The following MROH2B variants were observed in gnomAD, a reference collection of about 807,000 sequenced individuals.
The protein encoded by MROH2B is maestro heat like repeat family member 2B, also known as maestro heat-like repeat-containing protein family member 2B.
Under a neutral mutation model 208.6 loss-of-function variants are expected in MROH2B, and 177 were observed. That is an observed-to-expected ratio of 0.85 (90% CI 0.75 to 0.96). The LOEUF (loss-of-function observed/expected upper bound fraction) is 0.96. Ranked by LOEUF, MROH2B falls within the 40% of genes least tolerant of loss-of-function variation. MROH2B has a pLI of 0.00. For missense variants in MROH2B, 2,002 were observed against 1,878.7 expected, an observed-to-expected ratio of 1.07 and a Z score of -1.21; for synonymous variants, 728 against 659.0, an observed-to-expected ratio of 1.10 and a Z score of -1.60.
intron 28 of MROH2B, among the ~76,000 whole-genome samples, chr5:41,017,249 G>A (rs1741986006): frequency 1.3e-5 from 2 of 152,118 alleles, no homozygotes; most frequent in African/African-American, 2.4e-5. Flanking sequence ...AGCCTGAGAC[G>A]GAGGTTTAAA....
In MROH2B at chr5:41,051,036, G is replaced by A. The variant is rs757174086; in HGVS notation, c.1285C>T (p.Arg429Ter). Residue 429 changes from arginine to a stop codon, truncating the protein, a stop_gained, in exon 13 of 42, where the codon CGA becomes TGA. Transcript: ENST00000399564. LOFTEE classifies it high-confidence loss of function. ...TTTAAGACCTCAAGGCTTGTTTCTC[G>A]GACAGATTCCTCTTCCTTTTCATTC... The part of the protein sequence containing the change: ...HENEKEEESV[R>*]ETSLEVLKTL... 8.3e-6 allele frequency: 13 copies of A among 1,563,130 alleles called. No individual in the cohort carries two copies. The highest frequency in any genetic ancestry group is 2.8e-5 in the African/African-American group (2 of 71,180).
chr5:41,000,749 CA>C lies in MROH2B; in HGVS notation c.4278del (p.Phe1426LeufsTer5), dbSNP rs548836249. ...ATCAGGCTCTTTTTTATTTCTTCAG[CA>C]AAAAAAATCTTCCACCTTCTTCCTG... ...PLTGRRWKIFFAEEIKKSLIS... is the reference protein window; with the variant it reads ...PLTGRRWKIFXAEEIKKSLIS... On this transcript the variant is annotated frameshift_variant, in exon 38 of 42. Coordinates refer to ENST00000399564, the MANE Select transcript of MROH2B (RefSeq NM_173489.5). LOFTEE classifies it high-confidence loss of function. The C allele has an allele frequency of 3.3e-5, 53 of 1,610,014 alleles. No individual in the cohort carries two copies. Among genetic ancestry groups the C allele is most frequent in the Non-Finnish European group, 4.2e-5 (50 of 1,178,472 alleles).
At position 41,023,721 on chromosome 5, in the gene MROH2B, C is replaced by A. The variant is rs149709498; in HGVS notation, c.2442-4703G>T. Among the ~76,000 whole-genome samples the A allele has an allele frequency of 5.2e-3, 796 of 152,146 alleles. 11 individuals carry two copies. Among genetic ancestry groups the A allele is most frequent in the African/African-American group, 0.018 (736 of 41,508 alleles). The stretch of plus-strand genomic sequence containing the variant: ...CTCTTTGAGAAGAGCAACTCCAAGA[C>A]ACATAATTGTCAGATACATCAAAGT... On this transcript the variant is annotated intron_variant, in intron 24 of 41. Coordinates refer to ENST00000399564, the MANE Select transcript of MROH2B (RefSeq NM_173489.5).
chr5:41,069,858 TC>T lies in MROH2B; in HGVS notation c.29-107del. The T allele has an allele frequency of 5.0e-6, 4 of 804,636 alleles. 1 individual carries two copies. In the South Asian group the frequency reaches 6.4e-5, roughly 13 times the overall value. The allele number at this position is 804,636 out of a possible 1,614,324, so 49.8% of individuals were successfully genotyped here. On this transcript the variant is annotated intron_variant, in intron 1 of 41. Transcript: ENST00000399564. ...TTCATTCATTCATTTATCCTCTCTC[TC>T]TCTCTCTCCCTTGACTGCTAGCTCT...
chr5:41,050,836 G>GCGCCT, intron 13 of MROH2B, 141 bp downstream of exon 13: 2 of 599,550 alleles, frequency 3.3e-6, no homozygotes, highest in Non-Finnish European at 5.8e-6. Context: ...GTTGGACACA[G>GCGCCT]CGTTGCAATA....
intron 6 of MROH2B, among the ~76,000 whole-genome samples, chr5:41,060,554 G>C (rs1273982399): frequency 6.6e-6 from 1 of 152,106 alleles, no homozygotes; most frequent in Non-Finnish European, 1.5e-5. Flanking sequence ...TGCCTCAGTA[G>C]GTTTTAGTCC....
intron 21 of MROH2B, among the ~76,000 whole-genome samples, chr5:41,036,710 G>A (rs1204643851): frequency 6.6e-6 from 1 of 151,994 alleles, no homozygotes; most frequent in African/African-American, 2.4e-5. Context: ...AAACCTAACT[G>A]TTGAGTACCT....
intron 41 of MROH2B, 131 bp downstream of exon 41, chr5:40,998,481 G>T (rs1741280437): frequency 1.4e-6 from 1 of 734,270 alleles, no homozygotes; most frequent in Non-Finnish European, 2.3e-6. Flanking sequence ...CTAGTGTCTA[G>T]AGAGCATCAG....
chr5:41,049,597 A>T (rs547966329), intron 13 of MROH2B, among the ~76,000 whole-genome samples, 161 bp from the exon 14 acceptor site: 3 of 152,222 alleles, frequency 2.0e-5, no homozygotes, highest in Non-Finnish European at 4.4e-5. Context: ...GCCTCTGCAC[A>T]GCACATTGAT....
At chr5:41,023,423 A>T (rs1742231604) in intron 24 of MROH2B, among the ~76,000 whole-genome samples, 3 of 152,244 alleles carry the variant, frequency 2.0e-5, no homozygotes, top group Admixed American at 2.0e-4. Flanking sequence ...GATTCGATCA[A>T]CTGGAAGAAA....
In MROH2B at chr5:41,033,829, C is replaced by CTATCTTATT. The variant is rs70988830; in HGVS notation, c.2241+8_2241+9insAATAAGATA. On this transcript the variant is annotated intron_variant, in intron 22 of 41. Coordinates refer to ENST00000399564, the MANE Select transcript of MROH2B (RefSeq NM_173489.5). ...TCTATCTATCTATCTATCTATCTAT[C>CTATCTTATT]TCTCCTACCTTGTTCATCACAGACA... The CTATCTTATT allele has an allele frequency of 2.6e-3, 3,495 of 1,324,924 alleles. 54 individuals carry two copies. The highest frequency in any genetic ancestry group is 0.011 in the Admixed American group (504 of 47,462). The allele number at this position is 1,324,924 out of a possible 1,614,324, so 82.1% of individuals were successfully genotyped here.
rs760652431 is a variant in MROH2B, at chr5:41,052,513, T to A, written c.1182A>T (p.Pro394=). The change falls in exon 12 of 42, where the codon CCA becomes CCT. Residue 394 remains proline (P), a synonymous_variant. Coordinates refer to ENST00000399564, the MANE Select transcript of MROH2B (RefSeq NM_173489.5). ...KSYIEAREGW[P]LIDYVFSQFA... ...ACTGGGAGAAGACATAATCAATCAA[T>A]GGCCATCCTTCCCGAGCTTCAATAT... The A allele has an allele frequency of 6.2e-7, 1 of 1,612,794 alleles. No homozygotes were observed. Among genetic ancestry groups the A allele is most frequent in the Non-Finnish European group, 8.5e-7 (1 of 1,179,274 alleles).
In MROH2B at chr5:41,000,830, G is replaced by T; in HGVS notation, c.4198C>A (p.Gln1400Lys). Residue 1400 changes from glutamine to lysine, a missense_variant, in exon 38 of 42, where the codon CAG (glutamine) becomes AAG (lysine). Physicochemically the swap from Gln to Lys is moderately conservative, Grantham distance 53. Coordinates refer to ENST00000399564, the MANE Select transcript of MROH2B (RefSeq NM_173489.5). ...ATGGCAGTCAATCTCACATCATCCTGCTCCTGTGGTGACGAATGCATGTCG... is the reference window on the plus strand; with the variant it reads ...ATGGCAGTCAATCTCACATCATCCTTCTCCTGTGGTGACGAATGCATGTCG... ...LQTRTFFEDE[Q>K]DDVRLTAIFL... The T allele has an allele frequency of 1.2e-6, 2 of 1,609,426 alleles. No homozygotes were observed. Among genetic ancestry groups the T allele is most frequent in the Non-Finnish European group, 1.7e-6 (2 of 1,178,118 alleles).
chr5:40,998,541 T>C, intron 41 of MROH2B, 71 bp downstream of exon 41: 1 of 1,301,538 alleles, frequency 7.7e-7, no homozygotes, highest in Admixed American at 2.0e-5. Context: ...ACGTGGAACT[T>C]AGAACAGCAA....
rs112940554 is a variant in MROH2B at position 41,003,253 on chromosome 5, G to A, written c.4194+1093C>T. Among the ~76,000 whole-genome samples, 454 of 152,192 alleles carry A rather than the reference G, an allele frequency of 3.0e-3. 1 individual carries two copies. The highest frequency in any genetic ancestry group is 0.011 in the African/African-American group (440 of 41,548). On this transcript the variant is annotated intron_variant, in intron 37 of 41. Transcript: ENST00000399564. ...TGGGATTACAGGCGTGAGCCACCAT[G>A]CCTGGCCTAAAAGTGATATTGGTTA...
chr5:41,054,695 C>T, intron 11 of MROH2B, 72 bp downstream of exon 11: 1 of 1,200,426 alleles, frequency 8.3e-7, no homozygotes, highest in Non-Finnish European at 1.2e-6. Flanking sequence ...ATAAGTAGAT[C>T]CTTAAAGAAT....
intron 9 of MROH2B, 135 bp downstream of exon 9, chr5:41,056,974 T>C: frequency 1.1e-6 from 1 of 912,338 alleles, no homozygotes; most frequent in Admixed American, 2.2e-5. Flanking sequence ...CACAGAAAAC[T>C]GTGAGCTAAA....
At chr5:41,022,793 C>G in intron 24 of MROH2B, among the ~76,000 whole-genome samples, 1 of 152,202 alleles carries the variant, frequency 6.6e-6, no homozygotes, top group Non-Finnish European at 1.5e-5. Context: ...AAGCACCCCC[C>G]AGTGGTGGCA....
intron 24 of MROH2B, among the ~76,000 whole-genome samples, chr5:41,026,927 TGAAATGGG>T (rs1301478762): frequency 6.6e-6 from 1 of 152,080 alleles, no homozygotes; most frequent in African/African-American, 2.4e-5. Flanking sequence ...GACGAAAACA[TGAAATGGG>T]GAAAGGATTC....
Sources: allele counts gnomAD v4.1 joint callset (sites outside exome capture counted in the v4.1 genomes callset), GRCh38; gene constraint gnomAD v4.1.1; transcripts MANE v1.5; gene names NCBI Gene and HGNC (gene_info 2026-07-23, HGNC 2026-07-21).